Variants in LY96 observed in about 807,000 individuals in gnomAD.
The protein encoded by LY96 is lymphocyte antigen 96.
Under a neutral mutation model 18.9 loss-of-function variants are expected in LY96, and 18 were observed. The observed-to-expected ratio is 0.95, with a 90% confidence interval of 0.66 to 1.41. The LOEUF (loss-of-function observed/expected upper bound fraction) is 1.41, where lower values mean the gene tolerates loss of function less well. Ranked by LOEUF, LY96 falls within the 40% of genes most tolerant of loss-of-function variation. LY96 has a pLI of 0.00. For missense variants in LY96, 175 were observed against 182.4 expected, an observed-to-expected ratio of 0.96 and a Z score of 0.23; for synonymous variants, 66 against 62.6, an observed-to-expected ratio of 1.06 and a Z score of -0.26.
At chr8:74,068,089 A>AAAATATATATATATATAT in the LY96 span, among the ~76,000 whole-genome samples, 5 of 67,914 alleles carry the variant, frequency 7.4e-5, no homozygotes, top group African/African-American at 4.8e-4. Flanking sequence ...AAAAAAAAAA[A>AAAATATATATATATATAT]ATATATATAT....
chr8:73,996,365 C>CTTCCTTCA (rs1380590699), intron 1 of LY96, among the ~76,000 whole-genome samples: 16 of 120,046 alleles, frequency 1.3e-4, no homozygotes, highest in African/African-American at 3.8e-4. Context: ...TCCTTCCTTC[C>CTTCCTTCA]TTCATTCCTT....
intron 3 of LY96, among the ~76,000 whole-genome samples, chr8:74,026,528 T>G (rs1415009931): frequency 6.6e-6 from 1 of 152,216 alleles, no homozygotes; most frequent in Non-Finnish European, 1.5e-5. Context: ...TGTTCATCGT[T>G]TATTCATTAT....
At chr8:74,080,986 CT>C in the LY96 span, among the ~76,000 whole-genome samples, 4 of 46,164 alleles carry the variant, frequency 8.7e-5, no homozygotes, top group East Asian at 2.1e-3. Context: ...CTTTCTCTCT[CT>C]TTCTTTCTTT....
At chr8:73,998,877 A>G (rs1816206770) in intron 1 of LY96, among the ~76,000 whole-genome samples, 1 of 152,130 alleles carries the variant, frequency 6.6e-6, no homozygotes, top group Non-Finnish European at 1.5e-5. Context: ...TTTTACTATA[A>G]AAGTTTTTAA....
At position 74,026,749 on chromosome 8, in the gene LY96, C is replaced by T. The variant is rs571036237; in HGVS notation, c.332-40C>T. ...TACCAAGAAAAAAATATCACCTAAC[C>T]GTGACCAATAACGTTTTGTATTTTA... On this transcript the variant is annotated intron_variant, in intron 3 of 4. Transcript: ENST00000284818. 9.9e-5 allele frequency: 118 copies of T among 1,187,882 alleles called. 2 individuals are homozygous for T. Among genetic ancestry groups the T allele is most frequent in the Middle Eastern group, 9.6e-4 (5 of 5,196 alleles). 73.6% of individuals were successfully genotyped at this position (1,187,882 alleles called of 1,614,324 possible).
intron 1 of LY96, among the ~76,000 whole-genome samples, chr8:73,993,174 A>G (rs937802918): frequency 6.6e-6 from 1 of 151,726 alleles, no homozygotes; most frequent in Non-Finnish European, 1.5e-5. Context: ...GCCACTCTTT[A>G]TATGGTTTTT....
At position 73,996,390 on chromosome 8, in the gene LY96, T is replaced by A. The variant is rs1227906024; in HGVS notation, c.112+4836T>A. ...CTTCATTCCTTTCTTTCTTTCTTTC[T>A]TTCTTTCTTTCTTTCTTTCTTTCTT... On this transcript the variant is annotated intron_variant, in intron 1 of 4. Coordinates refer to ENST00000284818, the MANE Select transcript of LY96 (RefSeq NM_015364.5). 7.7e-4 allele frequency among the ~76,000 whole-genome samples: 34 copies of A among 44,380 alleles called. 2 individuals carry two copies. The highest frequency in any genetic ancestry group is 1.5e-3 in the African/African-American group (14 of 9,624). The allele number at this position is 44,380 out of a possible 152,430, so 29.1% of individuals were successfully genotyped here.
chr8:74,078,110 TA>T, the LY96 span, among the ~76,000 whole-genome samples: 26,294 of 121,914 alleles, frequency 0.22, 2,624 homozygotes, highest in African/African-American at 0.31. Context: ...CCTGTCTCAA[TA>T]AAAAAAAAAA....
At chr8:74,001,230 T>C (rs1816259111) in intron 1 of LY96, among the ~76,000 whole-genome samples, 1 of 144,400 alleles carries the variant, frequency 6.9e-6, no homozygotes, top group Admixed American at 6.8e-5. Context: ...AAAAAAAAAT[T>C]TTTTTTTTTT....
intron 1 of LY96, among the ~76,000 whole-genome samples, chr8:73,997,766 T>G (rs1816180748): frequency 6.6e-6 from 1 of 152,096 alleles, no homozygotes; most frequent in Admixed American, 6.6e-5. Flanking sequence ...AAGGAAACAC[T>G]CATTTATGTT....
At chr8:74,030,372 G>A (rs975003908), downstream of LY96, among the ~76,000 whole-genome samples, 7 of 152,188 alleles carry the variant, frequency 4.6e-5, no homozygotes, top group Admixed American at 4.6e-4. Flanking sequence ...AATTAGCTGG[G>A]CCTGGTGGCA....
intron 2 of LY96, among the ~76,000 whole-genome samples, chr8:74,007,143 C>T (rs532487282): frequency 6.6e-6 from 1 of 152,304 alleles, no homozygotes; most frequent in East Asian, 1.9e-4. Context: ...GTAAGAGACC[C>T]ATGACAGGCG....
chr8:74,026,660 T>C (rs1219039864), intron 3 of LY96, 129 bp from the exon 4 acceptor site: 1 of 666,598 alleles, frequency 1.5e-6, no homozygotes, highest in Non-Finnish European at 2.8e-6. Flanking sequence ...GTATAAAAGA[T>C]TCATTATTTT....
chr8:74,022,858 C>T (rs1195450247), intron 3 of LY96, among the ~76,000 whole-genome samples: 2 of 152,118 alleles, frequency 1.3e-5, no homozygotes, highest in African/African-American at 2.4e-5. Flanking sequence ...GGATTACAGG[C>T]GTGAGCCACT....
the LY96 span, among the ~76,000 whole-genome samples, chr8:74,064,955 A>C: frequency 6.6e-6 from 1 of 152,212 alleles, no homozygotes; most frequent in Non-Finnish European, 1.5e-5. Context: ...TTTGGTGAAG[A>C]AAATGTTACT....
At chr8:73,993,267 A>G (rs1408526222) in intron 1 of LY96, among the ~76,000 whole-genome samples, 4 of 151,522 alleles carry the variant, frequency 2.6e-5, no homozygotes, top group Non-Finnish European at 4.4e-5. Flanking sequence ...AACATTTCAC[A>G]TTTTATCTTA....
chr8:74,081,065 TTA>T, the LY96 span, among the ~76,000 whole-genome samples: 2,693 of 128,788 alleles, frequency 0.021, 94 homozygotes, highest in African/African-American at 0.059. Flanking sequence ...TCTTTCTTTC[TTA>T]CTTTCTTTCT....
chr8:74,068,089 A>ATATATATATATATAT, the LY96 span, among the ~76,000 whole-genome samples: 6 of 67,906 alleles, frequency 8.8e-5, no homozygotes, highest in South Asian at 6.8e-4. Context: ...AAAAAAAAAA[A>ATATATATATATATAT]ATATATATAT....
chr8:74,043,567 T>C, the LY96 span, among the ~76,000 whole-genome samples: 1 of 152,208 alleles, frequency 6.6e-6, no homozygotes, highest in African/African-American at 2.4e-5. Flanking sequence ...CCAAGGAGGT[T>C]GACACATGTG....
Sources: gnomAD v4.1 joint callset for allele counts (sites outside exome capture counted in the v4.1 genomes callset) on GRCh38, gnomAD v4.1.1 for gene constraint, MANE v1.5 for transcripts, NCBI Gene and HGNC (gene_info 2026-07-23, HGNC 2026-07-21) for gene names.